The following CSMD1 variants were observed in gnomAD, a reference collection of about 807,000 sequenced individuals.
CSMD1 encodes the protein CUB and sushi domain-containing protein 1.
In CSMD1, 213 loss-of-function variants were observed where a neutral mutation model predicts 417.5. The ratio of observed to expected loss-of-function variants is 0.51; its 90% CI spans 0.46 to 0.57. CSMD1 has a LOEUF of 0.57. Among genes scored for constraint, CSMD1 ranks in the 20% least tolerant of loss-of-function variants. CSMD1 has a pLI of 0.00. For missense variants in CSMD1, 6,923 were observed against 4,529.7 expected, an observed-to-expected ratio of 1.53 and a Z score of -15.17; for synonymous variants, 2,862 against 1,736.8, an observed-to-expected ratio of 1.65 and a Z score of -16.11.
chr8:3,764,192 C>T (rs760744933), intron 5 of CSMD1, among the ~76,000 whole-genome samples: 8 of 152,144 alleles, frequency 5.3e-5, no homozygotes, highest in Non-Finnish European at 7.3e-5. Flanking sequence ...TTGCACCGTA[C>T]GCATTAGGTC....
At chr8:3,945,460 A>G (rs1043002197) in intron 5 of CSMD1, among the ~76,000 whole-genome samples, 1 of 152,048 alleles carries the variant, frequency 6.6e-6, no homozygotes, top group African/African-American at 2.4e-5. Context: ...AATCTTTTCA[A>G]TTGTTTTCTT....
intron 3 of CSMD1, among the ~76,000 whole-genome samples, chr8:4,167,041 A>G (rs1039808315): frequency 3.9e-5 from 6 of 152,176 alleles, no homozygotes; most frequent in Admixed American, 2.6e-4. Flanking sequence ...GGACTGCTAG[A>G]AAACAGCAAC....
At chr8:3,934,595 C>A (rs1810362012) in intron 5 of CSMD1, among the ~76,000 whole-genome samples, 1 of 152,138 alleles carries the variant, frequency 6.6e-6, no homozygotes, top group Non-Finnish European at 1.5e-5. Flanking sequence ...TGGCTGATGC[C>A]TGTAATCTCA....
intron 36 of CSMD1, among the ~76,000 whole-genome samples, chr8:3,185,961 G>C (rs1821729442): frequency 1.3e-5 from 2 of 151,270 alleles, no homozygotes; most frequent in African/African-American, 4.9e-5. Flanking sequence ...TCTCTGATTT[G>C]TCTAGCTATA....
intron 5 of CSMD1, among the ~76,000 whole-genome samples, chr8:3,925,632 G>T (rs374875001): frequency 6.6e-6 from 1 of 151,994 alleles, no homozygotes; most frequent in Non-Finnish European, 1.5e-5. Flanking sequence ...AGTCTCATGA[G>T]ATCTGATGGG....
chr8:4,642,950 G>C (rs1237742368), intron 1 of CSMD1, among the ~76,000 whole-genome samples: 2 of 152,182 alleles, frequency 1.3e-5, no homozygotes, highest in Non-Finnish European at 2.9e-5. Context: ...CTACAAACGA[G>C]GAAACGAGTC....
At chr8:4,760,867 C>T (rs1232895891) in intron 1 of CSMD1, among the ~76,000 whole-genome samples, 2 of 152,180 alleles carry the variant, frequency 1.3e-5, no homozygotes, top group Non-Finnish European at 2.9e-5. Context: ...TAATATACAA[C>T]TCATGTCATG....
At chr8:4,014,340 G>C (rs1796418452) in intron 4 of CSMD1, among the ~76,000 whole-genome samples, 1 of 152,162 alleles carries the variant, frequency 6.6e-6, no homozygotes, top group Admixed American at 6.5e-5. Flanking sequence ...ATTATAGAGA[G>C]AAAATAATCT....
At chr8:3,415,242 ATACT>A (rs1384086732) in intron 12 of CSMD1, among the ~76,000 whole-genome samples, 1 of 152,044 alleles carries the variant, frequency 6.6e-6, no homozygotes, top group Non-Finnish European at 1.5e-5. Flanking sequence ...ATTACCTTAC[ATACT>A]TCTGATTTTT....
At chr8:2,994,186 G>T (rs1482236761) in intron 54 of CSMD1, among the ~76,000 whole-genome samples, 1 of 122,778 alleles carries the variant, frequency 8.1e-6, no homozygotes, top group Non-Finnish European at 1.7e-5. Flanking sequence ...GAAGAAGAAA[G>T]AAAGTAAGAA....
At chr8:4,965,053 A>C (rs1486846951) in intron 1 of CSMD1, among the ~76,000 whole-genome samples, 1 of 152,222 alleles carries the variant, frequency 6.6e-6, no homozygotes, top group Non-Finnish European at 1.5e-5. Flanking sequence ...GAAGGAATCA[A>C]ATATATTTCA....
chr8:4,859,676 C>T (rs1018595651), intron 1 of CSMD1, among the ~76,000 whole-genome samples: 2 of 151,924 alleles, frequency 1.3e-5, no homozygotes, highest in Non-Finnish European at 2.9e-5. Context: ...TCATCCCTGG[C>T]CATCAGAGAA....
intron 27 of CSMD1, among the ~76,000 whole-genome samples, chr8:3,226,371 G>T (rs1191744389): frequency 6.6e-6 from 1 of 151,918 alleles, no homozygotes; most frequent in Non-Finnish European, 1.5e-5. Flanking sequence ...TCATCTGAGG[G>T]CAGGAGTTCG....
chr8:4,003,255 T>C (rs548130677), intron 4 of CSMD1, among the ~76,000 whole-genome samples: 2 of 152,066 alleles, frequency 1.3e-5, no homozygotes, highest in Admixed American at 6.5e-5. Context: ...TAGCTGGGTG[T>C]GGTGACGGGC....
chr8:4,914,978 A>T (rs189981003), intron 1 of CSMD1, among the ~76,000 whole-genome samples: 1 of 152,214 alleles, frequency 6.6e-6, no homozygotes, highest in South Asian at 2.1e-4. Context: ...TTTCATGTGA[A>T]ATTACCAGGC....
intron 41 of CSMD1, among the ~76,000 whole-genome samples, chr8:3,140,337 C>G (rs766988129): frequency 8.2e-6 from 1 of 121,810 alleles, no homozygotes; most frequent in Non-Finnish European, 1.9e-5. Flanking sequence ...TTCTCTCTCT[C>G]TCTCTCTCTC....
chr8:4,467,535 A>G (rs1019333338), intron 2 of CSMD1, among the ~76,000 whole-genome samples: 3 of 152,194 alleles, frequency 2.0e-5, no homozygotes, highest in Admixed American at 2.0e-4. Flanking sequence ...TTCTTTACTT[A>G]GCACATTAAA....
At chr8:3,728,923 A>G (rs1802652036) in intron 6 of CSMD1, among the ~76,000 whole-genome samples, 1 of 152,192 alleles carries the variant, frequency 6.6e-6, no homozygotes, top group African/African-American at 2.4e-5. Flanking sequence ...TGCATTTTAA[A>G]TCAATAATCC....
chr8:4,084,958 A>C (rs1312561380), intron 3 of CSMD1, among the ~76,000 whole-genome samples: 1 of 152,212 alleles, frequency 6.6e-6, no homozygotes, highest in Non-Finnish European at 1.5e-5. Flanking sequence ...CACCTGCAGA[A>C]AGAAGGAGAT....
Sources: gnomAD v4.1 joint callset for allele counts (sites outside exome capture counted in the v4.1 genomes callset) on GRCh38, gnomAD v4.1.1 for gene constraint, MANE v1.5 for transcripts, NCBI Gene and HGNC (gene_info 2026-07-23, HGNC 2026-07-21) for gene names.